RALGDS: variants seen among roughly 807,000 people sequenced by gnomAD.
The protein encoded by RALGDS is ral guanine nucleotide dissociation stimulator.
In RALGDS, 44 loss-of-function variants were observed where a neutral mutation model predicts 99.8. That is an observed-to-expected ratio of 0.44 (90% CI 0.35 to 0.57). The LOEUF (loss-of-function observed/expected upper bound fraction) is 0.57. Among genes scored for constraint, RALGDS ranks in the 20% least tolerant of loss-of-function variants. The pLI is 0.01. For synonymous variants in RALGDS, 529 were observed against 505.0 expected, an observed-to-expected ratio of 1.05 and a Z score of -0.64; for missense variants, 1,022 against 1,203.1, an observed-to-expected ratio of 0.85 and a Z score of 2.23.
At chr9:133,103,409 G>T in intron 11 of RALGDS, 147 bp from the exon 12 acceptor site, 1 of 975,530 alleles carries the variant, frequency 1.0e-6, no homozygotes. Flanking sequence ...ACCAGGGCAA[G>T]GGGACATGCG....
rs201194989 is a variant in RALGDS at position 133,108,713 on chromosome 9, G to C, written c.738C>G (p.Ala246=). The change falls in exon 5 of 18, where the codon GCC becomes GCG. Residue 246 remains alanine (A), a synonymous_variant. Transcript: ENST00000372050. ...CAATGGGTTCCGAGTGCTCCAGCTG[G>C]GCCAGGAGAAGGTGGGCACGGCGCT... ...DLERRAHLLL[A]QLEHSEPIEA... is the part of the protein sequence containing the mutation. The C allele has an allele frequency of 1.9e-5, 30 of 1,613,746 alleles. No individual in the cohort carries two copies. In the Admixed American group the frequency reaches 4.7e-4, roughly 25 times the overall value.
At chr9:133,109,002 C>G in intron 4 of RALGDS, 136 bp from the exon 5 acceptor site, 1 of 846,952 alleles carries the variant, frequency 1.2e-6, no homozygotes, top group Non-Finnish European at 1.9e-6. Context: ...CTAAAAGAAC[C>G]AAGGAGGCCC....
chr9:133,106,257 C>T (rs1831049013), intron 8 of RALGDS, among the ~76,000 whole-genome samples: 1 of 151,952 alleles, frequency 6.6e-6, no homozygotes, highest in Non-Finnish European at 1.5e-5. Flanking sequence ...TTTTTGGAGA[C>T]AGTTTCAGTC....
chr9:133,108,919 G>T lies in RALGDS; in HGVS notation c.585-53C>A, dbSNP rs1368314705. The T allele has an allele frequency of 3.9e-6, 6 of 1,532,294 alleles. No individual in the cohort carries two copies. In the South Asian group the frequency reaches 5.7e-5, roughly 15 times the overall value. The allele number at this position is 1,532,294 out of a possible 1,614,324, so 94.9% of individuals were successfully genotyped here. A position where few individuals can be genotyped will look rare whatever the true frequency, so the allele number is the denominator to read the frequency against. On this transcript the variant is annotated intron_variant, in intron 4 of 17. Coordinates refer to ENST00000372050, the MANE Select transcript of RALGDS (RefSeq NM_006266.4). ...CAGAGGCCTGGGCTCCCCTGAGCCA[G>T]GCTGGGCTCCTGAGCCGGCCCCTGT...
At position 133,100,253 on chromosome 9, in the gene RALGDS, G is replaced by A. The variant is rs367570200; in HGVS notation, c.2569+15C>T. 1.9e-6 allele frequency: 3 copies of A among 1,610,726 alleles called. No homozygotes were observed. The African/African-American group carries it at 4.0e-5, about 22-fold the overall frequency. ...CCTGCCCCCTCTGCCATCGCCCTCTGGTCTTCTGACTTACTCCGGTCATCT... is the reference window on the plus strand; with the variant it reads ...CCTGCCCCCTCTGCCATCGCCCTCTAGTCTTCTGACTTACTCCGGTCATCT... On this transcript the variant is annotated intron_variant, in intron 17 of 17. Transcript: ENST00000372050.
chr9:133,143,738 C>CAATAATAATAATAATAATAATAAT (rs747330308), intron 1 of RALGDS, among the ~76,000 whole-genome samples: 2 of 108,098 alleles, frequency 1.9e-5, no homozygotes, highest in African/African-American at 7.1e-5. Context: ...GACCCTGTCT[C>CAATAATAATAATAATAATAATAAT]AATAATAATA....
upstream of RALGDS, among the ~76,000 whole-genome samples, chr9:133,135,106 G>A (rs1832404589): frequency 6.6e-6 from 1 of 152,140 alleles, no homozygotes; most frequent in Non-Finnish European, 1.5e-5. Flanking sequence ...TGTGTGGTGG[G>A]GAGGCAGAGC....
chr9:133,102,389 CCTCCCTGA>C, intron 14 of RALGDS, 79 bp downstream of exon 14: 3 of 1,436,324 alleles, frequency 2.1e-6, no homozygotes, highest in East Asian at 2.3e-5. Flanking sequence ...CCAGGGCCAG[CCTCCCTGA>C]CTCCCTGAGC....
chr9:133,098,410 G>A lies in RALGDS; in HGVS notation c.*177C>T. On this transcript the variant is annotated 3_prime_UTR_variant, in exon 18 of 18. Coordinates refer to ENST00000372050, the MANE Select transcript of RALGDS (RefSeq NM_006266.4). ...CTAAGGCAGCGAGTGGTCCACGGGA[G>A]GCCAGGTCAGCCTGACCAATGGCAG... 3.0e-6 allele frequency: 2 copies of A among 674,618 alleles called. No homozygotes were observed. The highest frequency in any genetic ancestry group is 2.6e-6 in the Non-Finnish European group (1 of 392,104). The allele number at this position is 674,618 out of a possible 1,614,324, so 41.8% of individuals were successfully genotyped here.
Position 133,102,137 on chromosome 9 carries a change from C to T in RALGDS, c.2012G>A (p.Arg671His), listed in dbSNP as rs748411421. The T allele has an allele frequency of 8.8e-5, 138 of 1,562,978 alleles. No homozygotes were observed. Among genetic ancestry groups the T allele is most frequent in the Non-Finnish European group, 1.2e-4 (133 of 1,152,456 alleles). Residue 671 changes from arginine (R) to histidine (H), a missense_variant and splice_region_variant, in exon 15 of 18, where the codon CGC becomes CAC. By Grantham distance (29) the Arg-to-His change is conservative. Transcript: ENST00000372050. ...ACTGAGCTCAGTGCTGGGGGCCTGG[C>T]GGCTGGGTGAAGAGTTGGCTTAGTT... ...NTAIVKRWSD[R>H]QAPSTELSTS...
At chr9:133,126,931 C>T (rs2119237536) in intron 1 of RALGDS, among the ~76,000 whole-genome samples, 1 of 152,332 alleles carries the variant, frequency 6.6e-6, no homozygotes, top group African/African-American at 2.4e-5. Flanking sequence ...CTCCCATACC[C>T]AGACACCGCG....
chr9:133,148,884 C>A (rs1832669109), intron 1 of RALGDS: 1 of 1,533,518 alleles, frequency 6.5e-7, no homozygotes. Context: ...GCCGGGCTCC[C>A]TCCCCCCGGT....
intron 5 of RALGDS, 96 bp downstream of exon 5, chr9:133,108,577 C>G (rs1831187756): frequency 6.7e-7 from 1 of 1,503,030 alleles, no homozygotes; most frequent in Non-Finnish European, 9.1e-7. Context: ...CATCTGGGCC[C>G]CTGACCCAGC....
At chr9:133,128,714 C>T (rs34911621) in intron 1 of RALGDS, among the ~76,000 whole-genome samples, 36,509 of 152,116 alleles carry the variant, frequency 0.24, 4,863 homozygotes, top group Middle Eastern at 0.39. Context: ...GCCTTAGTTT[C>T]ACCTCCTGGG....
intron 1 of RALGDS, among the ~76,000 whole-genome samples, chr9:133,147,842 C>T (rs6597602): frequency 5.9e-5 from 9 of 152,054 alleles, no homozygotes; most frequent in South Asian, 2.1e-4. Context: ...TAATTCAAGG[C>T]GCCTCAGAAG....
chr9:133,141,158 G>A (rs912144966), intron 1 of RALGDS, among the ~76,000 whole-genome samples: 1 of 152,042 alleles, frequency 6.6e-6, no homozygotes, highest in Admixed American at 6.5e-5. Context: ...TGAGAGCACC[G>A]GGAGTTCCTG....
chr9:133,107,573 A>T (rs1831134638), intron 6 of RALGDS, among the ~76,000 whole-genome samples: 1 of 150,980 alleles, frequency 6.6e-6, no homozygotes, highest in South Asian at 2.1e-4. Context: ...ATCCAGACGC[A>T]CATCTGCTGT....
rs1831929074 is a variant in RALGDS, at chr9:133,121,239, C to T, written c.-85G>A. On this transcript the variant is annotated 5_prime_UTR_variant, in exon 1 of 18. Coordinates refer to ENST00000372050, the MANE Select transcript of RALGDS (RefSeq NM_006266.4). The stretch of plus-strand genomic sequence containing the variant: ...CCCGCGCGGCTGGGCTTTGCCACCG[C>T]TGTGAGCCCGCGGCCCGGCCCTGCT... 7.1e-6 allele frequency: 7 copies of T among 980,204 alleles called. No individual in the cohort carries two copies. Among genetic ancestry groups the T allele is most frequent in the Non-Finnish European group, 8.5e-6 (7 of 826,630 alleles). The allele number at this position is 980,204 out of a possible 1,614,324, so 60.7% of individuals were successfully genotyped here.
In RALGDS at chr9:133,110,447, C is replaced by A; in HGVS notation, c.337G>T (p.Val113Leu). ...SALNLYETCK[V>L]RTVKAGTLEK... ...AGCGTGCCAGCCTTCACGGTCCGCA[C>A]CTTGCAAGTCTCATAAAGGTTCAGG... Residue 113 changes from valine (V) to leucine (L), a missense_variant, in exon 3 of 18, where the codon GTG (valine) becomes TTG (leucine). Val to Leu is a conservative substitution (Grantham distance 32, BLOSUM62 1). Around this residue, in one of 3 missense-constraint regions of RALGDS, gnomAD observed 180 missense variants for 169.3 expected, o/e 1.06. Coordinates refer to ENST00000372050, the MANE Select transcript of RALGDS (RefSeq NM_006266.4). 6.2e-7 allele frequency: 1 copy of A among 1,613,456 alleles called. No individual in the cohort carries two copies. Among genetic ancestry groups the A allele is most frequent in the Non-Finnish European group, 8.5e-7 (1 of 1,179,936 alleles).
Sources: allele counts gnomAD v4.1 joint callset (sites outside exome capture counted in the v4.1 genomes callset), GRCh38; gene constraint gnomAD v4.1.1; regional missense constraint gnomAD v4.1.1; transcripts MANE v1.5; gene names NCBI Gene and HGNC (gene_info 2026-07-23, HGNC 2026-07-21).